Variants in FERMT1 observed in about 807,000 individuals in gnomAD.
The protein encoded by FERMT1 is FERM domain containing kindlin 1.
FERMT1 carries 60 observed loss-of-function variants against 85.3 expected under a neutral mutation model. The observed-to-expected ratio is 0.70, with a 90% CI of 0.57 to 0.87. FERMT1 has a LOEUF of 0.87. Among genes scored for constraint, FERMT1 ranks in the 40% least tolerant of loss-of-function variants. The pLI is 0.00. For synonymous variants in FERMT1, 275 were observed against 301.1 expected, an observed-to-expected ratio of 0.91 and a Z score of 0.90; for missense variants, 701 against 818.9, an observed-to-expected ratio of 0.86 and a Z score of 1.76.
At position 6,107,298 on chromosome 20, in the gene FERMT1, A is replaced by G. The variant is rs556326009; in HGVS notation, c.849+234T>C. ...GGAGGGGGGCAGTGCATGCCACGCT[A>G]GGCGCAAAGATCCTCAGAGACTCCG... On this transcript the variant is annotated intron_variant, in intron 6 of 14. Coordinates refer to ENST00000217289, the MANE Select transcript of FERMT1 (RefSeq NM_017671.5). 1.2e-4 allele frequency among the ~76,000 whole-genome samples: 18 copies of G among 151,800 alleles called. 2 individuals carry two copies. The highest frequency in any genetic ancestry group is 4.3e-4 in the African/African-American group (18 of 41,440).
chr20:6,107,090 G>C (rs1258294758), intron 6 of FERMT1, among the ~76,000 whole-genome samples: 7 of 151,034 alleles, frequency 4.6e-5, no homozygotes. Flanking sequence ...CAGCTACTCA[G>C]GAGGCTGAGG....
chr20:6,097,388 C>T, intron 7 of FERMT1, 136 bp downstream of exon 7: 1 of 721,550 alleles, frequency 1.4e-6, no homozygotes, highest in Non-Finnish European at 2.4e-6. Flanking sequence ...ATAAAAAATA[C>T]AGAAAACAAT....
In FERMT1 at chr20:6,076,810, A is replaced by G; in HGVS notation, c.*363T>C. 1 of 368,858 alleles carries G rather than the reference A, an allele frequency of 2.7e-6. No individual in the cohort carries two copies. The highest frequency in any genetic ancestry group is 5.2e-6 in the Non-Finnish European group (1 of 193,764). The allele number at this position is 368,858 out of a possible 1,614,324, so 22.8% of individuals were successfully genotyped here. ...TGATTTTTACCTTTCTGTCTTCTCCATTGACTTAGTAATGAGACAGATCAG... is the reference window on the plus strand; with the variant it reads ...TGATTTTTACCTTTCTGTCTTCTCCGTTGACTTAGTAATGAGACAGATCAG... On this transcript the variant is annotated 3_prime_UTR_variant, in exon 15 of 15. Coordinates refer to ENST00000217289, the MANE Select transcript of FERMT1 (RefSeq NM_017671.5).
In FERMT1 at chr20:6,087,822, G is replaced by A; in HGVS notation, c.1326C>T (p.Ile442=). 6.2e-7 allele frequency: 1 copy of A among 1,611,472 alleles called. No individual in the cohort carries two copies. Among genetic ancestry groups the A allele is most frequent in the Non-Finnish European group, 8.5e-7 (1 of 1,177,588 alleles). ...TTTCATTCATACCATCGGCAACAGG[G>A]ATTAGTAACTTGATTCCAAATTTTC... is the stretch of plus-strand genomic sequence containing the variant. ...AGRKFGIKLL[I]PVADGMNEMY... Residue 442 remains isoleucine, a synonymous_variant, in exon 11 of 15, where the codon ATC becomes ATT. Transcript: ENST00000217289.
intron 11 of FERMT1, among the ~76,000 whole-genome samples, chr20:6,086,096 T>A (rs1311734868): frequency 6.6e-6 from 1 of 150,730 alleles, no homozygotes; most frequent in Non-Finnish European, 1.5e-5. Context: ...GAGCCGAGAT[T>A]GCACCACTGC....
intron 13 of FERMT1, among the ~76,000 whole-genome samples, chr20:6,082,657 T>G: frequency 6.6e-6 from 1 of 152,092 alleles, no homozygotes. Flanking sequence ...GTTTTTTCTG[T>G]TGTTTTGTTT....
At chr20:6,096,871 A>C (rs1982514872) in intron 8 of FERMT1, 31 bp downstream of exon 8, 2 of 1,594,758 alleles carry the variant, frequency 1.3e-6, no homozygotes, top group Non-Finnish European at 1.7e-6. Context: ...GAAGAAAGCC[A>C]CAGTTCTGGG....
chr20:6,088,946 A>G lies in FERMT1; in HGVS notation c.1264+19T>C. On this transcript the variant is annotated intron_variant, in intron 10 of 14. Coordinates refer to ENST00000217289, the MANE Select transcript of FERMT1 (RefSeq NM_017671.5). ...CCCTGACTTACGATGAGCCACAGCA[A>G]GATATAGGGTACTCTTACCTCTAAG... 6.2e-7 allele frequency: 1 copy of G among 1,606,596 alleles called. No individual in the cohort carries two copies. The highest frequency in any genetic ancestry group is 2.2e-5 in the East Asian group (1 of 44,634).
At chr20:6,112,125 C>T (rs568171061) in intron 4 of FERMT1, among the ~76,000 whole-genome samples, 68 of 152,248 alleles carry the variant, frequency 4.5e-4, no homozygotes, top group African/African-American at 1.6e-3. Context: ...ATCCACCCAC[C>T]TCAGCCTCCC....
At chr20:6,119,703 G>T (rs923640711) in intron 1 of FERMT1, 131 bp from the exon 2 acceptor site, 30 of 688,414 alleles carry the variant, frequency 4.4e-5, no homozygotes, top group Admixed American at 2.2e-4. Context: ...ACTCTGCAAG[G>T]TTCCAGGTGC....
intron 6 of FERMT1, among the ~76,000 whole-genome samples, chr20:6,101,791 T>G (rs890409419): frequency 4.6e-5 from 7 of 152,090 alleles, no homozygotes; most frequent in African/African-American, 1.7e-4. Context: ...TAGCTGGGAT[T>G]ACACGAGCCC....
intron 6 of FERMT1, among the ~76,000 whole-genome samples, chr20:6,099,509 T>C (rs1982599279): frequency 6.6e-6 from 1 of 151,802 alleles, no homozygotes; most frequent in Non-Finnish European, 1.5e-5. Flanking sequence ...AAACAAATAC[T>C]GGATGACTTC....
intron 2 of FERMT1, among the ~76,000 whole-genome samples, chr20:6,116,713 G>A (rs1363974052): frequency 2.3e-5 from 3 of 130,580 alleles, no homozygotes; most frequent in Non-Finnish European, 4.8e-5. Context: ...TGGGCAACAA[G>A]AGCAAATCTC....
Position 6,110,500 on chromosome 20 carries a change from AACC to A in FERMT1, c.541_543del (p.Gly181del). On this transcript the variant is annotated inframe_deletion, in exon 5 of 15. Transcript: ENST00000217289. ...ATAGGGGTCATGGTTTTACTGTATA[AACC>A]AGGACTTACTGCAAGGCAGGGGGAT... 1.2e-6 allele frequency: 2 copies of A among 1,614,044 alleles called. No homozygotes were observed. Among genetic ancestry groups the A allele is most frequent in the Non-Finnish European group, 1.7e-6 (2 of 1,179,892 alleles).
At chr20:6,108,373 T>C (rs1388064774) in intron 5 of FERMT1, among the ~76,000 whole-genome samples, 1 of 152,260 alleles carries the variant, frequency 6.6e-6, no homozygotes, top group East Asian at 1.9e-4. Flanking sequence ...TTGCATTTTA[T>C]CTTACAGTCT....
intron 13 of FERMT1, among the ~76,000 whole-genome samples, chr20:6,082,831 T>G (rs919528088): frequency 1.3e-5 from 2 of 152,076 alleles, no homozygotes; most frequent in African/African-American, 2.4e-5. Flanking sequence ...AATTTTTTTT[T>G]GTATTTTTAG....
At chr20:6,112,201 C>G (rs1982970481) in intron 4 of FERMT1, among the ~76,000 whole-genome samples, 1 of 152,072 alleles carries the variant, frequency 6.6e-6, no homozygotes, top group African/African-American at 2.4e-5. Flanking sequence ...AAATATCACT[C>G]TTTTATCCCA....
intron 4 of FERMT1, among the ~76,000 whole-genome samples, chr20:6,111,046 C>T (rs1025888204): frequency 2.0e-5 from 3 of 152,170 alleles, no homozygotes; most frequent in Non-Finnish European, 2.9e-5. Context: ...AAGTGACTCT[C>T]CTGTCTGAGC....
chr20:6,082,721 T>C (rs1477408902), intron 13 of FERMT1, among the ~76,000 whole-genome samples: 2 of 152,210 alleles, frequency 1.3e-5, no homozygotes, highest in Non-Finnish European at 2.9e-5. Flanking sequence ...AGTGGCGCGA[T>C]CTCAGCTCAC....
Sources: gnomAD v4.1 joint callset for allele counts (sites outside exome capture counted in the v4.1 genomes callset) on GRCh38, gnomAD v4.1.1 for gene constraint, MANE v1.5 for transcripts, NCBI Gene and HGNC (gene_info 2026-07-23, HGNC 2026-07-21) for gene names.